The following PPP2R2C variants were observed in gnomAD, a reference collection of about 807,000 sequenced individuals.
PPP2R2C encodes the protein protein phosphatase 2 regulatory subunit Bgamma.
In PPP2R2C, 10 loss-of-function variants were observed where a neutral mutation model predicts 45.3. The ratio of observed to expected loss-of-function variants is 0.22; its 90% CI spans 0.14 to 0.37. The LOEUF (loss-of-function observed/expected upper bound fraction) is 0.37, where lower values mean the gene tolerates loss of function less well. Among genes scored for constraint, PPP2R2C ranks in the 10% least tolerant of loss-of-function variants. PPP2R2C has a pLI of 1.00. For synonymous variants in PPP2R2C, 257 were observed against 245.4 expected (o/e 1.05, Z -0.44); for missense variants, 308 against 619.7 (o/e 0.50, Z 5.34).
chr4:6,505,940 T>A (rs950938692), intron 2 of PPP2R2C, among the ~76,000 whole-genome samples: 3 of 152,186 alleles, frequency 2.0e-5, no homozygotes, highest in Non-Finnish European at 2.9e-5. Context: ...CAATCCAGCC[T>A]GGGTGACAGA....
At chr4:6,337,112 G>A (rs111971643) in intron 6 of PPP2R2C, among the ~76,000 whole-genome samples, 4,007 of 28,184 alleles carry the variant, frequency 0.14, 610 homozygotes, top group Non-Finnish European at 0.19. Context: ...ATGTGTGTGT[G>A]TATATATATA....
At chr4:6,382,460 C>T (rs1715873418) in intron 1 of PPP2R2C, 1 of 1,351,958 alleles carries the variant, frequency 7.4e-7, no homozygotes, top group African/African-American at 1.5e-5. Flanking sequence ...TGACCAAACT[C>T]CTGAGCCAGT....
Position 6,471,222 on chromosome 4 carries a change from G to A in PPP2R2C, c.70+938C>T, listed in dbSNP as rs1721862686. Among the ~76,000 whole-genome samples, 2 of 152,136 alleles carry A rather than the reference G, an allele frequency of 1.3e-5. No individual in the cohort carries two copies. Among genetic ancestry groups the A allele is most frequent in the Admixed American group, 1.3e-4 (2 of 15,286 alleles). On this transcript the variant is annotated intron_variant, in intron 1 of 8. Coordinates refer to ENST00000382599, the MANE Select transcript of PPP2R2C (RefSeq NM_020416.4). This position sits in a 1 kb window ranked among gnomAD's most constrained non-coding sequence, Gnocchi z 5.6. ...CCGGGCCGCCAGCCCGTGGGTTAGCGGCTGACAGTCCCCGCACTCGGGCAG... is the reference window on the plus strand; with the variant it reads ...CCGGGCCGCCAGCCCGTGGGTTAGCAGCTGACAGTCCCCGCACTCGGGCAG...
chr4:6,480,391 A>T (rs907480315), intron 2 of PPP2R2C, among the ~76,000 whole-genome samples: 4 of 151,850 alleles, frequency 2.6e-5, no homozygotes, highest in Non-Finnish European at 4.4e-5. Context: ...TCTTTTCCCA[A>T]CTCTGTGTTT....
chr4:6,464,872 G>A (rs1721510781), intron 1 of PPP2R2C, among the ~76,000 whole-genome samples: 1 of 149,130 alleles, frequency 6.7e-6, no homozygotes, highest in African/African-American at 2.5e-5. Context: ...AAATAAGAAA[G>A]TGTGTGGGGG....
rs529757664 is a variant in PPP2R2C at position 6,359,751 on chromosome 4, A to G, written c.626-11741T>C. ...GGCTGGAGGAGGTGGCTGCACCTCC[A>G]GGAGCCATGGCAGCTAAGCTGCACC... is the stretch of plus-strand genomic sequence containing the variant. On this transcript the variant is annotated intron_variant, in intron 5 of 8. Coordinates refer to ENST00000382599, the MANE Select transcript of PPP2R2C (RefSeq NM_020416.4). 3.9e-5 allele frequency among the ~76,000 whole-genome samples: 6 copies of G among 152,214 alleles called. No individual in the cohort carries two copies. In the South Asian group the frequency reaches 8.3e-4, roughly 21 times the overall value.
At chr4:6,433,009 C>T (rs2109413200) in intron 1 of PPP2R2C, among the ~76,000 whole-genome samples, 1 of 152,286 alleles carries the variant, frequency 6.6e-6, no homozygotes, top group South Asian at 2.1e-4. Context: ...TTATGATTTT[C>T]TTAATGATGT....
At chr4:6,499,579 C>T (rs1024951694) in intron 2 of PPP2R2C, among the ~76,000 whole-genome samples, 7 of 152,046 alleles carry the variant, frequency 4.6e-5, no homozygotes, top group African/African-American at 7.2e-5. Context: ...AGTGTGCTGA[C>T]GAAAATGCAT....
chr4:6,369,131 T>C (rs932761935), intron 5 of PPP2R2C, among the ~76,000 whole-genome samples: 9 of 152,232 alleles, frequency 5.9e-5, no homozygotes, highest in Non-Finnish European at 2.9e-5. Flanking sequence ...GCAGCGTCCT[T>C]GTTCAGTAGC....
chr4:6,467,976 C>T (rs191661129), intron 1 of PPP2R2C, among the ~76,000 whole-genome samples: 2 of 152,300 alleles, frequency 1.3e-5, no homozygotes, highest in African/African-American at 4.8e-5. Context: ...GAACTGACTC[C>T]CACATCCATT....
chr4:6,540,040 A>C (rs1168680896), intron 1 of PPP2R2C, among the ~76,000 whole-genome samples: 2 of 152,236 alleles, frequency 1.3e-5, no homozygotes, highest in Non-Finnish European at 2.9e-5. Context: ...ACTTTAAAGC[A>C]TATGCAGTCT....
chr4:6,450,580 C>T (rs111673612), intron 1 of PPP2R2C, among the ~76,000 whole-genome samples: 14,010 of 152,084 alleles, frequency 0.092, 880 homozygotes, highest in Non-Finnish European at 0.14. Context: ...AGGGGAGGGG[C>T]CTAAGGAACG....
At chr4:6,492,067 A>T (rs1722716023) in intron 2 of PPP2R2C, among the ~76,000 whole-genome samples, 1 of 152,168 alleles carries the variant, frequency 6.6e-6, no homozygotes, top group Non-Finnish European at 1.5e-5. Context: ...GGATCCTCTG[A>T]TTGCAAGTGA....
Position 6,363,361 on chromosome 4 carries a change from G to A in PPP2R2C, c.625+9162C>T, listed in dbSNP as rs564592937. On this transcript the variant is annotated intron_variant, in intron 5 of 8. Transcript: ENST00000382599. ...TGGGAGGTCAAGGCAGGTGGATCAC[G>A]AGGTCAGGAGATCGAGACCATCCTG... is the stretch of plus-strand genomic sequence containing the variant. 1.7e-4 allele frequency among the ~76,000 whole-genome samples: 26 copies of A among 152,244 alleles called. No individual in the cohort carries two copies. The South Asian group carries it at 2.7e-3, about 16-fold the overall frequency.
chr4:6,503,624 C>T (rs1201090404), intron 2 of PPP2R2C, among the ~76,000 whole-genome samples: 1 of 152,004 alleles, frequency 6.6e-6, no homozygotes, highest in African/African-American at 2.4e-5. Context: ...GTGTGAAGTC[C>T]CAGACACTGA....
intron 1 of PPP2R2C, among the ~76,000 whole-genome samples, chr4:6,416,998 C>T (rs1057185558): frequency 6.6e-6 from 1 of 152,198 alleles, no homozygotes. Flanking sequence ...TGCTCCACTA[C>T]CCCCTGCTCC....
intron 1 of PPP2R2C, chr4:6,384,568 TAC>T: frequency 1.0e-6 from 1 of 984,094 alleles, no homozygotes; most frequent in Non-Finnish European, 1.2e-6. Flanking sequence ...AGGGTGGGCA[TAC>T]ACACAGTGTA....
At chr4:6,353,129 T>C (rs189991041) in intron 5 of PPP2R2C, among the ~76,000 whole-genome samples, 93 of 152,098 alleles carry the variant, frequency 6.1e-4, no homozygotes, top group African/African-American at 2.1e-3. Flanking sequence ...AGAATATATC[T>C]GTATTTTGAA....
At chr4:6,343,567 A>G (rs1236064119) in intron 6 of PPP2R2C, among the ~76,000 whole-genome samples, 1 of 152,132 alleles carries the variant, frequency 6.6e-6, no homozygotes, top group East Asian at 1.9e-4. Context: ...AAATACAAAA[A>G]AAATTAGCCA....
Sources: allele counts gnomAD v4.1 joint callset (sites outside exome capture counted in the v4.1 genomes callset), GRCh38; gene constraint gnomAD v4.1.1; non-coding constraint Gnocchi (gnomAD v3.1); transcripts MANE v1.5; gene names NCBI Gene and HGNC (gene_info 2026-07-23, HGNC 2026-07-21).